Variants in VEGFB observed in about 807,000 individuals in gnomAD.
The protein encoded by VEGFB is vascular endothelial growth factor B.
VEGFB carries 24 observed loss-of-function variants against 22.5 expected under a neutral mutation model. The observed-to-expected ratio is 1.07, with a 90% confidence interval of 0.77 to 1.50. VEGFB has a LOEUF of 1.50. VEGFB is among the 40% of genes most tolerant of loss of function. The pLI is 0.00. For synonymous variants in VEGFB, 141 were observed against 117.4 expected, an observed-to-expected ratio of 1.20 and a Z score of -1.30; for missense variants, 327 against 287.8, an observed-to-expected ratio of 1.14 and a Z score of -0.99.
Position 64,238,728 on chromosome 11 carries a change from G to C in VEGFB, c.*395G>C. The C allele has an allele frequency of 2.9e-6, 1 of 343,724 alleles. No individual in the cohort carries two copies. Among genetic ancestry groups the C allele is most frequent in the East Asian group, 6.0e-5 (1 of 16,554 alleles). The allele number at this position is 343,724 out of a possible 1,614,324, so 21.3% of individuals were successfully genotyped here. On this transcript the variant is annotated 3_prime_UTR_variant, in exon 7 of 7. Transcript: ENST00000309422. The stretch of plus-strand genomic sequence containing the variant: ...AAGAAGACCCAAACCTCTGCATAAT[G>C]GGATTTGGGCTTTGGTACAAGAACT...
Position 64,236,306 on chromosome 11 carries a change from A to G in VEGFB, c.353A>G (p.Glu118Gly), listed in dbSNP as rs1374803869. Residue 118 changes from glutamate to glycine, a missense_variant, in exon 4 of 7, where the codon GAA becomes GGA. Transcript: ENST00000309422. ...SSQLGEMSLE[E>G]HSQCECRPKK... Reference sequence around the variant, plus strand: ...CAGCTGGGGGAGATGTCCCTGGAAGAACACAGCCAGTGTGAATGCAGGTGC... The same window carrying G: ...CAGCTGGGGGAGATGTCCCTGGAAGGACACAGCCAGTGTGAATGCAGGTGC... The G allele has an allele frequency of 1.9e-6, 3 of 1,613,844 alleles. No individual in the cohort carries two copies. The highest frequency in any genetic ancestry group is 4.5e-5 in the East Asian group (2 of 44,878).
rs1430504692 is a variant in VEGFB, at chr11:64,237,083, CAAAGAGAGAGAGAGAGAGAGAG to C, written c.375-102_375-81del. 15 of 650,464 alleles carry C rather than the reference CAAAGAGAGAGAGAGAGAGAGAG, an allele frequency of 2.3e-5. 3 individuals carry two copies. In the Admixed American group the frequency reaches 3.2e-4, roughly 14 times the overall value. The allele number at this position is 650,464 out of a possible 1,614,324, so 40.3% of individuals were successfully genotyped here. ...GGGCAAGAAGAGGGAAACACAGTCTCAAAGAGAGAGAGAGAGAGAGAGAGAGAGAGAGAGAGAGAGTAGGATG... is the reference window on the plus strand; with the variant it reads ...GGGCAAGAAGAGGGAAACACAGTCTCAGAGAGAGAGAGAGAGAGTAGGATG... On this transcript the variant is annotated intron_variant, in intron 4 of 6. Coordinates refer to ENST00000309422, the MANE Select transcript of VEGFB (RefSeq NM_003377.5).
rs1423236243 is a variant in VEGFB, at chr11:64,237,081, CTCAAAGAGAGAGAGAGAGA to C, written c.375-105_375-87del. ...CTGGGCAAGAAGAGGGAAACACAGT[CTCAAAGAGAGAGAGAGAGA>C]GAGAGAGAGAGAGAGAGAGAGAGTA... is the stretch of plus-strand genomic sequence containing the variant. On this transcript the variant is annotated intron_variant, in intron 4 of 6. Coordinates refer to ENST00000309422, the MANE Select transcript of VEGFB (RefSeq NM_003377.5). 7.0e-6 allele frequency: 5 copies of C among 712,554 alleles called. No individual in the cohort carries two copies. The African/African-American group carries it at 1.4e-4, about 20-fold the overall frequency. The allele number at this position is 712,554 out of a possible 1,614,324, so 44.1% of individuals were successfully genotyped here. A position where few individuals can be genotyped will look rare whatever the true frequency, so the allele number is the denominator to read the frequency against.
At position 64,237,643 on chromosome 11, in the gene VEGFB, C is replaced by CG. The variant is rs994917173; in HGVS notation, c.*10_*11insG. 2.6e-6 allele frequency: 4 copies of CG among 1,533,182 alleles called. No individual in the cohort carries two copies. Among genetic ancestry groups the CG allele is most frequent in the African/African-American group, 2.7e-5 (2 of 73,230 alleles). 95.0% of individuals were successfully genotyped at this position (1,533,182 alleles called of 1,614,324 possible). A position where few individuals can be genotyped will look rare whatever the true frequency, so the allele number is the denominator to read the frequency against. On this transcript the variant is annotated 3_prime_UTR_variant, in exon 6 of 7. Transcript: ENST00000309422. ...CAAGGGCGGGGCTTAGAGCTCAACC[C>CG]AGACACCTGCAGGTGAGGCGTCTGT...
At position 64,237,222 on chromosome 11, in the gene VEGFB, G is replaced by T. The variant is rs1302740104; in HGVS notation, c.410G>T (p.Arg137Met). ...KKKDSAVKPD[R>M]AATPHHRPQP... is the part of the protein sequence containing the mutation. Reference sequence around the variant, plus strand: ...AAGGACAGTGCTGTGAAGCCAGACAGGTGAGTCTTTTGGACTCCAGCTGAG... The same window carrying T: ...AAGGACAGTGCTGTGAAGCCAGACATGTGAGTCTTTTGGACTCCAGCTGAG... The change falls in exon 5 of 7, where the codon AGG becomes ATG. Residue 137 changes from arginine (R) to methionine (M), a missense_variant and splice_region_variant. Coordinates refer to ENST00000309422, the MANE Select transcript of VEGFB (RefSeq NM_003377.5). The T allele has an allele frequency of 6.2e-7, 1 of 1,608,842 alleles. No homozygotes were observed. Among genetic ancestry groups the T allele is most frequent in the Non-Finnish European group, 8.5e-7 (1 of 1,176,272 alleles).
rs1207501997 is a variant in VEGFB, at chr11:64,239,171, C to G, written c.*838C>G. Among the ~76,000 whole-genome samples the G allele has an allele frequency of 6.6e-6, 1 of 152,180 alleles. No individual in the cohort carries two copies. The highest frequency in any genetic ancestry group is 1.5e-5 in the Non-Finnish European group (1 of 68,026). On this transcript the variant is annotated 3_prime_UTR_variant, in exon 7 of 7. Coordinates refer to ENST00000309422, the MANE Select transcript of VEGFB (RefSeq NM_003377.5). ...TTTCCACATGTGCACATAGAGGGAA[C>G]AGAAGATTGCTGTGGTTGGCGTCCT...
Position 64,234,911 on chromosome 11 carries a change from G to A in VEGFB, c.60+18G>A. 1 of 1,274,166 alleles carries A rather than the reference G, an allele frequency of 7.8e-7. No homozygotes were observed. The highest frequency in any genetic ancestry group is 9.9e-7 in the Non-Finnish European group (1 of 1,011,250). The allele number at this position is 1,274,166 out of a possible 1,614,324, so 78.9% of individuals were successfully genotyped here. On this transcript the variant is annotated intron_variant, in intron 1 of 6. Coordinates refer to ENST00000309422, the MANE Select transcript of VEGFB (RefSeq NM_003377.5). This position sits in a 1 kb window ranked among gnomAD's most constrained non-coding sequence, Gnocchi z 5.3. The stretch of plus-strand genomic sequence containing the variant: ...CCGCCCAGGTACGTGCGGCCCGACA[G>A]CGCGCCCGCCCGCCCGCCGTGCCCT...
In VEGFB at chr11:64,234,868, C is replaced by T; in HGVS notation, c.35C>T (p.Ala12Val). Residue 12 changes from alanine (A) to valine (V), a missense_variant, in exon 1 of 7, where the codon GCA (alanine) becomes GTA (valine). By Grantham distance (64) the Ala-to-Val change is moderately conservative (BLOSUM62 0). Transcript: ENST00000309422. This position sits in a 1 kb window ranked among gnomAD's most constrained non-coding sequence, Gnocchi z 5.3. Reference sequence around the variant, plus strand: ...CTGCTCCGCCGCCTGCTGCTCGCCGCACTCCTGCAGCTGGCCCCCGCCCAG... The same window carrying T: ...CTGCTCCGCCGCCTGCTGCTCGCCGTACTCCTGCAGCTGGCCCCCGCCCAG... The part of the protein sequence containing the change: ...SPLLRRLLLA[A>V]LLQLAPAQAP... 2 of 1,300,922 alleles carry T rather than the reference C, an allele frequency of 1.5e-6. No homozygotes were observed. The highest frequency in any genetic ancestry group is 2.2e-5 in the South Asian group (1 of 45,492). 80.6% of individuals were successfully genotyped at this position (1,300,922 alleles called of 1,614,324 possible).
rs764818286 is a variant in VEGFB, at chr11:64,235,913, G to A, written c.204G>A (p.Leu68=). The change falls in exon 3 of 7, where the codon CTG becomes CTA. Residue 68 remains leucine (L), a synonymous_variant. Coordinates refer to ENST00000309422, the MANE Select transcript of VEGFB (RefSeq NM_003377.5). ...VELMGTVAKQ[L]VPSCVTVQRC... is the part of the protein sequence containing the mutation. ...TCATGGGCACCGTGGCCAAACAGCT[G>A]GTGCCCAGCTGCGTGACTGTGCAGC... The A allele has an allele frequency of 1.9e-6, 3 of 1,613,704 alleles. No individual in the cohort carries two copies. The South Asian group carries it at 3.3e-5, about 18-fold the overall frequency.
At chr11:64,237,111 GA>G (rs1338981485) in intron 4 of VEGFB, 75 bp from the exon 5 acceptor site, 1 of 819,792 alleles carries the variant, frequency 1.2e-6, no homozygotes, top group Non-Finnish European at 1.8e-6. Flanking sequence ...GAGAGAGAGA[GA>G]GAGAGAGAGA....
chr11:64,234,816 G>A lies in VEGFB; in HGVS notation c.-18G>A. 1 of 1,159,914 alleles carries A rather than the reference G, an allele frequency of 8.6e-7. No individual in the cohort carries two copies. 71.9% of individuals were successfully genotyped at this position (1,159,914 alleles called of 1,614,324 possible). Reference sequence around the variant, plus strand: ...AGGGCGATGCGGGCGCCCCCGGCGGGCGGCCCCGGCGGGCACCATGAGCCC... The same window carrying A: ...AGGGCGATGCGGGCGCCCCCGGCGGACGGCCCCGGCGGGCACCATGAGCCC... On this transcript the variant is annotated 5_prime_UTR_variant, in exon 1 of 7. Transcript: ENST00000309422. This position sits in a 1 kb window ranked among gnomAD's most constrained non-coding sequence, Gnocchi z 5.3.
intron 2 of VEGFB, 149 bp from the exon 3 acceptor site, chr11:64,235,664 G>C: frequency 8.1e-7 from 1 of 1,239,730 alleles, no homozygotes; most frequent in Non-Finnish European, 1.1e-6. Flanking sequence ...CTGGGATCTG[G>C]ATAAACAGGG....
intron 4 of VEGFB, 117 bp downstream of exon 4, chr11:64,236,444 G>A (rs1362096057): frequency 3.1e-6 from 3 of 977,910 alleles, no homozygotes; most frequent in African/African-American, 1.6e-5. Flanking sequence ...GGCCGGGCGT[G>A]GTAGCTCACG....
At chr11:64,237,123 G>GAGGGAGAGAGA in intron 4 of VEGFB, 64 bp from the exon 5 acceptor site, 1 of 661,990 alleles carries the variant, frequency 1.5e-6, no homozygotes, top group Non-Finnish European at 2.3e-6. Flanking sequence ...GAGAGAGAGA[G>GAGGGAGAGAGA]TAGGATGCTG....
At chr11:64,235,114 CT>C (rs1270368250) in intron 1 of VEGFB, among the ~76,000 whole-genome samples, 1 of 152,136 alleles carries the variant, frequency 6.6e-6, no homozygotes, top group African/African-American at 2.4e-5. Context: ...ACCCCGTCCC[CT>C]GGGCACCGCC....
chr11:64,236,106 C>G (rs985694613), intron 3 of VEGFB, 97 bp downstream of exon 3: 2 of 1,521,732 alleles, frequency 1.3e-6, no homozygotes, highest in Non-Finnish European at 1.8e-6. Context: ...GCTGGGGCAG[C>G]CTGGAGACTG....
chr11:64,237,451 C>A lies in VEGFB; in HGVS notation c.442C>A (p.Arg148Ser). ...CACTCCCCACCACCGTCCCCAGCCC[C>A]GTTCTGTTCCGGGCTGGGACTCTGC... The part of the protein sequence containing the change: ...AATPHHRPQP[R>S]SVPGWDSAPG... Residue 148 changes from arginine to serine, a missense_variant, in exon 6 of 7, where the codon CGT (arginine) becomes AGT (serine). Physicochemically the swap from Arg to Ser is moderately radical, Grantham distance 110. Coordinates refer to ENST00000309422, the MANE Select transcript of VEGFB (RefSeq NM_003377.5). The A allele has an allele frequency of 6.2e-7, 1 of 1,609,014 alleles. No individual in the cohort carries two copies. The highest frequency in any genetic ancestry group is 8.5e-7 in the Non-Finnish European group (1 of 1,176,906).
At chr11:64,237,068 AGGGAAACACAGTCTCAAAG>A (rs2030108256) in intron 4 of VEGFB, 100 bp from the exon 5 acceptor site, 1 of 829,202 alleles carries the variant, frequency 1.2e-6, no homozygotes, top group African/African-American at 1.7e-5. Context: ...GGGCAAGAAG[AGGGAAACACAGTCTCAAAG>A]AGAGAGAGAG....
Position 64,238,344 on chromosome 11 carries a change from C to T in VEGFB, c.*23-12C>T, listed in dbSNP as rs1433242962. On this transcript the variant is annotated splice_polypyrimidine_tract_variant and intron_variant, in intron 6 of 6. Coordinates refer to ENST00000309422, the MANE Select transcript of VEGFB (RefSeq NM_003377.5). ...CCAGCCAGCATGAACAGATCACTTC[C>T]TCCCTCCTCAGGTGCCGGAAGCTGC... 34 of 1,536,068 alleles carry T rather than the reference C, an allele frequency of 2.2e-5. No individual in the cohort carries two copies. Among genetic ancestry groups the T allele is most frequent in the Admixed American group, 5.9e-5 (3 of 50,990 alleles).
Sources: allele counts gnomAD v4.1 joint callset (sites outside exome capture counted in the v4.1 genomes callset), GRCh38; gene constraint gnomAD v4.1.1; non-coding constraint Gnocchi (gnomAD v3.1); transcripts MANE v1.5; gene names NCBI Gene and HGNC (gene_info 2026-07-23, HGNC 2026-07-21).